Variants in LRBA observed in about 807,000 individuals in gnomAD.
LRBA encodes LPS responsive beige-like anchor protein, also known as lipopolysaccharide-responsive and beige-like anchor protein.
LRBA carries 176 observed loss-of-function variants against 330.0 expected under a neutral mutation model. That is an observed-to-expected ratio of 0.53 (90% CI 0.47 to 0.60). LRBA has a LOEUF of 0.60. LRBA is among the 20% of genes least tolerant of loss of function. The pLI is 0.00. For synonymous variants in LRBA, 1,230 were observed against 1,193.0 expected, an observed-to-expected ratio of 1.03 and a Z score of -0.64; for missense variants, 3,259 against 3,444.8, an observed-to-expected ratio of 0.95 and a Z score of 1.35.
chr4:150,858,756 G>A (rs541510596), intron 22 of LRBA, among the ~76,000 whole-genome samples: 9 of 152,126 alleles, frequency 5.9e-5, no homozygotes, highest in African/African-American at 1.9e-4. Flanking sequence ...TCAAACTCTG[G>A]CCTCAAGTGA....
chr4:150,316,449 T>C (rs1731729737), intron 50 of LRBA, among the ~76,000 whole-genome samples: 1 of 152,186 alleles, frequency 6.6e-6, no homozygotes, highest in African/African-American at 2.4e-5. Flanking sequence ...AATCAGGAAC[T>C]ACCTGATGCA....
intron 35 of LRBA, among the ~76,000 whole-genome samples, chr4:150,742,551 T>C (rs1323656683): frequency 6.6e-6 from 1 of 152,084 alleles, no homozygotes; most frequent in African/African-American, 2.4e-5. Context: ...TGACATGAAC[T>C]TACTCCCATT....
At chr4:150,672,364 T>C (rs1051871351) in intron 37 of LRBA, among the ~76,000 whole-genome samples, 1 of 151,834 alleles carries the variant, frequency 6.6e-6, no homozygotes, top group African/African-American at 2.4e-5. Flanking sequence ...TTTTTTTTTT[T>C]AGAAGATACT....
intron 2 of LRBA, among the ~76,000 whole-genome samples, chr4:150,953,789 C>A (rs1368720849): frequency 6.6e-6 from 1 of 151,734 alleles, no homozygotes; most frequent in African/African-American, 2.4e-5. Context: ...GCCACCCCGT[C>A]TAGGAAGTGA....
intron 37 of LRBA, among the ~76,000 whole-genome samples, chr4:150,668,766 G>A (rs554646963): frequency 6.6e-6 from 1 of 152,306 alleles, no homozygotes; most frequent in Admixed American, 6.5e-5. Flanking sequence ...CATAACATGG[G>A]AAGTAGAAGT....
chr4:150,482,031 T>C (rs1757359036), intron 42 of LRBA, among the ~76,000 whole-genome samples: 1 of 152,104 alleles, frequency 6.6e-6, no homozygotes, highest in South Asian at 2.1e-4. Context: ...TTTTTGAAAA[T>C]CAAGTTTGTT....
intron 2 of LRBA, among the ~76,000 whole-genome samples, chr4:150,952,694 C>A (rs1238720632): frequency 6.6e-6 from 1 of 151,996 alleles, no homozygotes; most frequent in African/African-American, 2.4e-5. Flanking sequence ...ACCTATCTCT[C>A]TCTGGTTCTT....
At chr4:150,336,970 C>T (rs1158811622) in intron 48 of LRBA, among the ~76,000 whole-genome samples, 1 of 152,092 alleles carries the variant, frequency 6.6e-6, no homozygotes, top group Non-Finnish European at 1.5e-5. Context: ...TCTCTGGCTA[C>T]TGGAAATGAG....
At chr4:150,787,683 T>A (rs1216883222) in intron 34 of LRBA, among the ~76,000 whole-genome samples, 1 of 152,070 alleles carries the variant, frequency 6.6e-6, no homozygotes, top group African/African-American at 2.4e-5. Context: ...TTATACTTTT[T>A]TCATTGTTGT....
rs376575149 is a variant in LRBA, at chr4:150,929,022, T to C, written c.260A>G (p.Gln87Arg). The C allele has an allele frequency of 2.5e-6, 4 of 1,613,324 alleles. No individual in the cohort carries two copies. The highest frequency in any genetic ancestry group is 3.4e-6 in the Non-Finnish European group (4 of 1,179,904). The change falls in exon 3 of 57, where the codon CAA becomes CGA. Residue 87 changes from glutamine (Q) to arginine (R), a missense_variant. By Grantham distance (43) the Gln-to-Arg change is conservative. Coordinates refer to ENST00000651943, the MANE Select transcript of LRBA (RefSeq NM_001364905.1). Reference sequence around the variant, plus strand: ...CATGCAGTTAATACTCTCACCTTCTTGGATAATGAAATTCATTTCCAGATC... The same window carrying C: ...CATGCAGTTAATACTCTCACCTTCTCGGATAATGAAATTCATTTCCAGATC... ...QFDLEMNFII[Q>R]EGESINCMVD...
chr4:150,461,449 A>T (rs1157468036), intron 44 of LRBA, among the ~76,000 whole-genome samples: 1 of 151,770 alleles, frequency 6.6e-6, no homozygotes, highest in Admixed American at 6.6e-5. Flanking sequence ...TTTTTTAAAA[A>T]CGCAATTGTG....
chr4:150,704,893 G>C (rs764723395), intron 36 of LRBA, among the ~76,000 whole-genome samples: 4 of 152,062 alleles, frequency 2.6e-5, no homozygotes, highest in Non-Finnish European at 5.9e-5. Context: ...GTGACTCAAA[G>C]TCATTTTTAT....
chr4:150,919,134 G>C (rs1405102688), intron 5 of LRBA, among the ~76,000 whole-genome samples: 1 of 152,182 alleles, frequency 6.6e-6, no homozygotes, highest in African/African-American at 2.4e-5. Context: ...ATTATGATAA[G>C]TGAAAAAAGC....
At chr4:150,456,584 CAT>C (rs1002868547) in intron 44 of LRBA, among the ~76,000 whole-genome samples, 26 of 152,236 alleles carry the variant, frequency 1.7e-4, no homozygotes, top group African/African-American at 6.3e-4. Flanking sequence ...AATCCCTTAT[CAT>C]ATGAGTGGTT....
intron 36 of LRBA, among the ~76,000 whole-genome samples, chr4:150,692,829 T>C (rs1784256148): frequency 6.6e-6 from 1 of 152,142 alleles, no homozygotes; most frequent in East Asian, 1.9e-4. Context: ...AAAGAACAAT[T>C]CTACACTGAG....
At chr4:150,951,173 A>T (rs1270873615) in intron 2 of LRBA, among the ~76,000 whole-genome samples, 1 of 152,178 alleles carries the variant, frequency 6.6e-6, no homozygotes, top group Non-Finnish European at 1.5e-5. Flanking sequence ...TGAACCAATC[A>T]TTCCCTTTTA....
At chr4:150,710,912 A>T (rs180978767) in intron 36 of LRBA, among the ~76,000 whole-genome samples, 1 of 152,048 alleles carries the variant, frequency 6.6e-6, no homozygotes, top group East Asian at 1.9e-4. Flanking sequence ...GGATACTATT[A>T]TTCAGGCTAA....
At chr4:150,787,514 T>C (rs1034182245) in intron 34 of LRBA, among the ~76,000 whole-genome samples, 4 of 150,476 alleles carry the variant, frequency 2.7e-5, no homozygotes, top group Admixed American at 2.6e-4. Flanking sequence ...TCAATACTTT[T>C]TGTTTTTTTC....
In LRBA at chr4:150,326,003, T is replaced by C. The variant is rs148776264; in HGVS notation, c.7363-105A>G. ...TCATTCCATACTCTGGCTTGTTTCA[T>C]GCTGAAAATCAACCTGTGTTTTCAC... On this transcript the variant is annotated intron_variant, in intron 48 of 56. Transcript: ENST00000651943. 647 of 716,600 alleles carry C rather than the reference T, an allele frequency of 9.0e-4. No individual in the cohort carries two copies. The African/African-American group carries it at 9.4e-3, about 10-fold the overall frequency. The allele number at this position is 716,600 out of a possible 1,614,324, so 44.4% of individuals were successfully genotyped here.
Sources: allele counts gnomAD v4.1 joint callset (sites outside exome capture counted in the v4.1 genomes callset), GRCh38; gene constraint gnomAD v4.1.1; transcripts MANE v1.5; gene names NCBI Gene and HGNC (gene_info 2026-07-23, HGNC 2026-07-21).